SLIT3: variants seen among roughly 807,000 people sequenced by gnomAD.
SLIT3 encodes slit guidance ligand 3.
In SLIT3, 68 loss-of-function variants were observed where a neutral mutation model predicts 184.0. That is an observed-to-expected ratio of 0.37 (90% CI 0.30 to 0.45). The LOEUF is 0.45. Among genes scored for constraint, SLIT3 ranks in the 20% least tolerant of loss-of-function variants. SLIT3 has a pLI of 1.00. For synonymous variants in SLIT3, 831 were observed against 828.6 expected, an observed-to-expected ratio of 1.00 and a Z score of -0.05; for missense variants, 1,707 against 2,026.0, an observed-to-expected ratio of 0.84 and a Z score of 3.02.
chr5:168,738,870 G>A (rs906630103), intron 20 of SLIT3, among the ~76,000 whole-genome samples: 17 of 149,052 alleles, frequency 1.1e-4, no homozygotes, highest in Non-Finnish European at 2.2e-4. Flanking sequence ...CCCAGGAGGC[G>A]GGGCTTGCAG....
intron 1 of SLIT3, among the ~76,000 whole-genome samples, chr5:169,264,954 T>G (rs1766340106): frequency 6.6e-6 from 1 of 152,212 alleles, no homozygotes; most frequent in East Asian, 1.9e-4. Flanking sequence ...ATTTTACACC[T>G]GCAAAAGCTT....
chr5:168,832,188 A>C (rs1325727420), intron 6 of SLIT3, among the ~76,000 whole-genome samples: 1 of 152,252 alleles, frequency 6.6e-6, no homozygotes, highest in Admixed American at 6.5e-5. Context: ...GACCATGGAC[A>C]GTCTTGACTT....
chr5:169,207,413 ACACG>A (rs1280404738), intron 3 of SLIT3, among the ~76,000 whole-genome samples: 1 of 146,396 alleles, frequency 6.8e-6, no homozygotes, highest in Non-Finnish European at 1.5e-5. Flanking sequence ...ACACACACAC[ACACG>A]GCACCAAGTC....
chr5:169,053,954 G>T (rs1757899639), intron 4 of SLIT3, among the ~76,000 whole-genome samples: 1 of 152,060 alleles, frequency 6.6e-6, no homozygotes, highest in African/African-American at 2.4e-5. Flanking sequence ...AGCCAGGCCT[G>T]GTGGCGCACG....
chr5:168,837,492 A>T (rs1174078481), intron 6 of SLIT3, among the ~76,000 whole-genome samples: 2 of 152,248 alleles, frequency 1.3e-5, no homozygotes, highest in African/African-American at 4.8e-5. Context: ...GGTAATGTGA[A>T]AAGTGGACTG....
At chr5:168,760,693 T>G (rs1755114946) in intron 16 of SLIT3, among the ~76,000 whole-genome samples, 169 bp downstream of exon 16, 1 of 152,086 alleles carries the variant, frequency 6.6e-6, no homozygotes, top group South Asian at 2.1e-4. Flanking sequence ...CTTTGGTCTG[T>G]GTCTACATGT....
intron 4 of SLIT3, among the ~76,000 whole-genome samples, chr5:168,949,242 A>G (rs1205837519): frequency 6.6e-6 from 1 of 152,190 alleles, no homozygotes; most frequent in Non-Finnish European, 1.5e-5. Flanking sequence ...CCCTTCCAGT[A>G]AGTGTCACTG....
At chr5:168,680,117 T>C (rs1386633031) in intron 32 of SLIT3, among the ~76,000 whole-genome samples, 1 of 152,248 alleles carries the variant, frequency 6.6e-6, no homozygotes, top group East Asian at 1.9e-4. Flanking sequence ...AGCCACTCCT[T>C]TGGATGGGGC....
intron 5 of SLIT3, among the ~76,000 whole-genome samples, chr5:168,874,236 T>C (rs1235589732): frequency 2.0e-5 from 3 of 152,222 alleles, no homozygotes; most frequent in African/African-American, 4.8e-5. Context: ...TTTAAAATAA[T>C]AGTCTCCATT....
intron 4 of SLIT3, among the ~76,000 whole-genome samples, chr5:169,125,626 A>G (rs1433312934): frequency 6.6e-6 from 1 of 152,148 alleles, no homozygotes; most frequent in Non-Finnish European, 1.5e-5. Flanking sequence ...CCATTGTCAG[A>G]ATCCAGTGAC....
chr5:168,687,211 T>A, intron 29 of SLIT3, 95 bp from the exon 30 acceptor site: 1 of 1,386,706 alleles, frequency 7.2e-7, no homozygotes, highest in Non-Finnish European at 1.0e-6. Flanking sequence ...CCTCTCCCCA[T>A]CTCTTCTATC....
intron 14 of SLIT3, chr5:168,772,339 G>C (rs1194371606): frequency 1.6e-5 from 3 of 189,366 alleles, no homozygotes; most frequent in African/African-American, 2.4e-5. Flanking sequence ...TCTCCGAAGG[G>C]AGTGGGAGGT....
Position 168,708,048 on chromosome 5 carries a change from CG to C in SLIT3, c.2771del (p.Pro924ArgfsTer49). ...GGGTGCATGTCCCGTTATTCTTGCA[CG>C]GGCTGGAGAGGCAGGCATTGCATTT... ...VAKCNACLSSPCKNNGTCTQD... is the reference protein window; with the variant it reads ...VAKCNACLSSXCKNNGTCTQD... On this transcript the variant is annotated frameshift_variant, in exon 26 of 36. Coordinates refer to ENST00000519560, the MANE Select transcript of SLIT3 (RefSeq NM_003062.4). LOFTEE classifies it high-confidence loss of function. The C allele has an allele frequency of 5.6e-6, 9 of 1,614,174 alleles. No homozygotes were observed. The highest frequency in any genetic ancestry group is 5.9e-6 in the Non-Finnish European group (7 of 1,180,034).
Position 169,238,681 on chromosome 5 carries a change from C to A in SLIT3, c.341+6024G>T, listed in dbSNP as rs78449586. Among the ~76,000 whole-genome samples, 199 of 150,798 alleles carry A rather than the reference C, an allele frequency of 1.3e-3. 4 individuals carry two copies. The East Asian group carries it at 0.037, about 28-fold the overall frequency. On this transcript the variant is annotated intron_variant, in intron 3 of 35. Coordinates refer to ENST00000519560, the MANE Select transcript of SLIT3 (RefSeq NM_003062.4). The stretch of plus-strand genomic sequence containing the variant: ...CTAACATTATACTTCTCAAGGAGTT[C>A]TCTTTTTATTTCTACTATTGTTCCT...
chr5:169,164,437 G>A (rs1475115034), intron 4 of SLIT3, among the ~76,000 whole-genome samples: 1 of 152,162 alleles, frequency 6.6e-6, no homozygotes, highest in Non-Finnish European at 1.5e-5. Flanking sequence ...TTATCCTTGA[G>A]GCTTCAGGGT....
At chr5:168,840,420 T>A (rs1758202206) in intron 6 of SLIT3, among the ~76,000 whole-genome samples, 1 of 151,168 alleles carries the variant, frequency 6.6e-6, no homozygotes, top group Non-Finnish European at 1.5e-5. Context: ...TGTCCCTACT[T>A]TTTTTTTTCA....
intron 10 of SLIT3, 75 bp downstream of exon 10, chr5:168,795,432 G>A: frequency 1.8e-6 from 2 of 1,093,304 alleles, no homozygotes; most frequent in Non-Finnish European, 1.4e-6. Flanking sequence ...ACCTGGACAG[G>A]TTGCCCACTA....
intron 4 of SLIT3, among the ~76,000 whole-genome samples, chr5:169,141,817 C>T (rs894127662): frequency 6.6e-6 from 1 of 150,952 alleles, no homozygotes; most frequent in African/African-American, 2.4e-5. Flanking sequence ...TTTGAGAGGC[C>T]GAGGCAGATG....
intron 20 of SLIT3, among the ~76,000 whole-genome samples, chr5:168,730,610 C>T (rs932931911): frequency 2.6e-5 from 4 of 151,664 alleles, no homozygotes; most frequent in Admixed American, 6.6e-5. Flanking sequence ...AATTAAACAG[C>T]GTGCTCTTGA....
Sources: allele counts gnomAD v4.1 joint callset (sites outside exome capture counted in the v4.1 genomes callset), GRCh38; gene constraint gnomAD v4.1.1; transcripts MANE v1.5; gene names NCBI Gene and HGNC (gene_info 2026-07-23, HGNC 2026-07-21).